The following AMD1 variants were observed in gnomAD, a reference collection of about 807,000 sequenced individuals.
AMD1 encodes the protein S-adenosylmethionine decarboxylase proenzyme.
A neutral mutation model predicts 40.2 loss-of-function variants in AMD1; 11 were observed. That is an observed-to-expected ratio of 0.27 (90% CI 0.17 to 0.45). The LOEUF is 0.45. AMD1 is among the 20% of genes least tolerant of loss of function. The pLI is 1.00. For synonymous variants in AMD1, 121 were observed against 130.8 expected, an observed-to-expected ratio of 0.93 and a Z score of 0.51; for missense variants, 257 against 410.2, an observed-to-expected ratio of 0.63 and a Z score of 3.23.
At chr6:110,825,674 G>C in the AMD1 span, among the ~76,000 whole-genome samples, 1 of 152,170 alleles carries the variant, frequency 6.6e-6, no homozygotes, top group African/African-American at 2.4e-5. Context: ...CAGAGCATTT[G>C]CTGCCAAGTA....
chr6:110,866,716 G>T, the AMD1 span, among the ~76,000 whole-genome samples: 4 of 152,072 alleles, frequency 2.6e-5, no homozygotes, highest in African/African-American at 9.7e-5. Context: ...TTTTTCAGAG[G>T]GTGGGGGAAG....
the AMD1 span, among the ~76,000 whole-genome samples, chr6:110,820,906 A>G: frequency 6.6e-6 from 1 of 152,102 alleles, no homozygotes; most frequent in Non-Finnish European, 1.5e-5. Flanking sequence ...GCAACAGGGC[A>G]AGACTCCGTC....
At chr6:110,891,930 A>T in intron 4 of AMD1, 1 of 556,328 alleles carries the variant, frequency 1.8e-6, no homozygotes, top group East Asian at 3.1e-5. Flanking sequence ...TTTAGTAGCG[A>T]TGGGGTTTCA....
rs1785019149 is a variant in AMD1 at position 110,875,004 on chromosome 6, AAC to A, written c.-98_-97del. On this transcript the variant is annotated 5_prime_UTR_variant, in exon 1 of 9. Transcript: ENST00000368885. ...AAAAAAAAGGAACCTGAACTTTAGT[AAC>A]ACAGCTGGAACAATCCGCAGCGGCG... 4 of 812,356 alleles carry A rather than the reference AAC, an allele frequency of 4.9e-6. No homozygotes were observed. Among genetic ancestry groups the A allele is most frequent in the Admixed American group, 2.7e-5 (1 of 37,002 alleles). 50.3% of individuals were successfully genotyped at this position (812,356 alleles called of 1,614,324 possible).
chr6:110,855,065 C>CTCTTTTTTTTTT, the AMD1 span, among the ~76,000 whole-genome samples: 3 of 80,446 alleles, frequency 3.7e-5, no homozygotes, highest in East Asian at 5.1e-4. Flanking sequence ...CTCTCTCTCT[C>CTCTTTTTTTTTT]TTTTTTTTTT....
intron 1 of AMD1, among the ~76,000 whole-genome samples, chr6:110,878,308 C>CTTTAAA (rs1371650737): frequency 6.6e-6 from 1 of 152,196 alleles, no homozygotes; most frequent in Non-Finnish European, 1.5e-5. Flanking sequence ...AGGGAATACA[C>CTTTAAA]TTTAAACAAA....
At chr6:110,814,997 C>T in the AMD1 span, 39 of 1,603,238 alleles carry the variant, frequency 2.4e-5, 1 homozygote, top group South Asian at 3.2e-4. Flanking sequence ...CTCCTCCCGC[C>T]CCTGCTCTTA....
the AMD1 span, among the ~76,000 whole-genome samples, chr6:110,839,531 G>A: frequency 6.6e-6 from 1 of 152,172 alleles, no homozygotes; most frequent in African/African-American, 2.4e-5. Flanking sequence ...CGAGGCAGGA[G>A]AATCGCTCAA....
chr6:110,881,889 A>C (rs554819113), intron 1 of AMD1, among the ~76,000 whole-genome samples: 1 of 152,142 alleles, frequency 6.6e-6, no homozygotes, highest in Non-Finnish European at 1.5e-5. Context: ...GATCAGTATT[A>C]CGTGAGCTGT....
chr6:110,892,506 C>T (rs1786080017), intron 6 of AMD1, 63 bp downstream of exon 6: 1 of 1,592,994 alleles, frequency 6.3e-7, no homozygotes, highest in Non-Finnish European at 8.6e-7. Flanking sequence ...TTTTATTTTT[C>T]ATTCTGTAAC....
the AMD1 span, among the ~76,000 whole-genome samples, chr6:110,861,589 C>T: frequency 6.6e-6 from 1 of 151,930 alleles, no homozygotes; most frequent in Admixed American, 6.6e-5. Context: ...TGCCTGTAAT[C>T]CCAGCACTTT....
chr6:110,827,126 T>C, the AMD1 span, among the ~76,000 whole-genome samples: 1 of 152,132 alleles, frequency 6.6e-6, no homozygotes, highest in Non-Finnish European at 1.5e-5. Flanking sequence ...ATTCACAGGT[T>C]CCAGGTAAAC....
the AMD1 span, among the ~76,000 whole-genome samples, chr6:110,842,642 G>T: frequency 6.6e-6 from 1 of 152,164 alleles, no homozygotes; most frequent in African/African-American, 2.4e-5. Context: ...GCTAACCATG[G>T]CAGAGTAGAA....
At chr6:110,870,360 C>T (rs1325098187), upstream of AMD1, among the ~76,000 whole-genome samples, 6 of 152,180 alleles carry the variant, frequency 3.9e-5, no homozygotes, top group Admixed American at 1.3e-4. Flanking sequence ...TGTGGTGGCT[C>T]ACACTTGTAA....
intron 1 of AMD1, among the ~76,000 whole-genome samples, chr6:110,882,019 A>G (rs532099342): frequency 1.3e-5 from 2 of 152,328 alleles, no homozygotes; most frequent in African/African-American, 4.8e-5. Flanking sequence ...TCAGTTTTAT[A>G]AATAGTTTAT....
intron 1 of AMD1, among the ~76,000 whole-genome samples, chr6:110,883,801 G>C (rs894076491): frequency 1.1e-4 from 16 of 151,466 alleles, no homozygotes; most frequent in Non-Finnish European, 1.2e-4. Flanking sequence ...GTTTCACCTT[G>C]TTAGCCAGGA....
At chr6:110,869,341 C>A in the AMD1 span, among the ~76,000 whole-genome samples, 1 of 151,224 alleles carries the variant, frequency 6.6e-6, no homozygotes, top group Non-Finnish European at 1.5e-5. Context: ...ACCGTGTTAG[C>A]CAGGATGATC....
intron 2 of AMD1, 92 bp downstream of exon 2, chr6:110,887,683 T>G (rs1485306899): frequency 9.6e-6 from 9 of 937,296 alleles, no homozygotes; most frequent in Non-Finnish European, 1.4e-5. Context: ...GTTCTGGGGG[T>G]TTTTTTGTTT....
chr6:110,890,043 A>G (rs1291750462), intron 3 of AMD1: 2 of 463,304 alleles, frequency 4.3e-6, no homozygotes, highest in Non-Finnish European at 7.6e-6. Context: ...GGGCCTCAGT[A>G]TGTTGCCCAG....
Sources: gnomAD v4.1 joint callset for allele counts (sites outside exome capture counted in the v4.1 genomes callset) on GRCh38, gnomAD v4.1.1 for gene constraint, MANE v1.5 for transcripts, NCBI Gene and HGNC (gene_info 2026-07-23, HGNC 2026-07-21) for gene names.